The following TMLHE variants were observed in gnomAD, a reference collection of about 807,000 sequenced individuals.
TMLHE encodes trimethyllysine hydroxylase, epsilon.
TMLHE carries 18 observed loss-of-function variants against 25.7 expected under a neutral mutation model. The observed-to-expected ratio is 0.70, with a 90% CI of 0.48 to 1.04. The LOEUF is 1.04. Ranked by LOEUF, TMLHE falls within the 50% of genes least tolerant of loss-of-function variation. The pLI is 0.00. For synonymous variants in TMLHE, 105 were observed against 97.0 expected (o/e 1.08, Z -0.49); for missense variants, 236 against 259.0 (o/e 0.91, Z 0.61).
Position 155,514,254 on chromosome X carries a change from G to A in TMLHE, c.370C>T (p.His124Tyr). ...CAATTCAAATCATATTTAGTCACAT[G>A]ACCATCTGGCCCTTTTAAGGGGAAA... ...TTLFFTWPDG[H>Y]VTKYDLNWLV... The change falls in exon 4 of 8, where the codon CAT (histidine) becomes TAT (tyrosine). Residue 124 changes from histidine to tyrosine, a missense_variant. Physicochemically the swap from His to Tyr is moderately conservative, Grantham distance 83. Around this residue, in one of 2 missense-constraint regions of TMLHE, gnomAD observed 217 missense variants for 214.6 expected, o/e 1.01. Coordinates refer to ENST00000334398, the MANE Select transcript of TMLHE (RefSeq NM_018196.4). The A allele has an allele frequency of 8.3e-7, 1 of 1,202,708 alleles. No homozygotes were observed. The highest frequency in any genetic ancestry group is 1.1e-6 in the Non-Finnish European group (1 of 889,474).
chrX:155,514,491 G>A (rs1428050849), intron 3 of TMLHE, among the ~76,000 whole-genome samples: 2 of 110,714 alleles, frequency 1.8e-5, no homozygotes, highest in Non-Finnish European at 3.8e-5. Context: ...TCTTCCCAGA[G>A]GCTAAATAAG....
chrX:155,595,122 C>T (rs1226695488), intron 1 of TMLHE, among the ~76,000 whole-genome samples: 2 of 111,833 alleles, frequency 1.8e-5, no homozygotes, highest in African/African-American at 3.2e-5. Flanking sequence ...AATTTACAAA[C>T]ACAGACTGTA....
chrX:155,537,850 T>C (rs2067288270), intron 2 of TMLHE, among the ~76,000 whole-genome samples: 1 of 111,716 alleles, frequency 9.0e-6, no homozygotes, highest in Non-Finnish European at 1.9e-5. Flanking sequence ...TTATGTTTTA[T>C]TTTTTTAATT....
chrX:155,604,671 A>G (rs1156938036), intron 1 of TMLHE, among the ~76,000 whole-genome samples: 3 of 111,333 alleles, frequency 2.7e-5, no homozygotes, highest in Non-Finnish European at 5.7e-5. Context: ...ACACCCTCAG[A>G]GCACCAAGAG....
At chrX:155,510,059 G>A (rs1210703066) in intron 5 of TMLHE, among the ~76,000 whole-genome samples, 1 of 110,922 alleles carries the variant, frequency 9.0e-6, no homozygotes, top group Non-Finnish European at 1.9e-5. Flanking sequence ...TTTGCATGAC[G>A]ACCCTTTTGC....
intron 1 of TMLHE, among the ~76,000 whole-genome samples, chrX:155,549,304 G>A (rs868943274): frequency 9.1e-6 from 1 of 110,387 alleles, no homozygotes; most frequent in African/African-American, 3.3e-5. Context: ...TGATCTTAGG[G>A]GAAAACATTC....
intron 2 of TMLHE, among the ~76,000 whole-genome samples, chrX:155,543,813 A>G (rs1397060045): frequency 8.9e-6 from 1 of 112,254 alleles, no homozygotes; most frequent in Non-Finnish European, 1.9e-5. Flanking sequence ...GACATCTTGT[A>G]TAGAGCAATA....
chrX:155,594,715 C>T (rs868985995), intron 1 of TMLHE, among the ~76,000 whole-genome samples: 5 of 111,624 alleles, frequency 4.5e-5, no homozygotes, highest in African/African-American at 6.5e-5. Flanking sequence ...AATTTTGACA[C>T]CAAAACCAAA....
chrX:155,585,622 A>G (rs1328237847), intron 1 of TMLHE, among the ~76,000 whole-genome samples: 1 of 111,897 alleles, frequency 8.9e-6, no homozygotes, highest in Non-Finnish European at 1.9e-5. Flanking sequence ...GGGAACTTTA[A>G]CAGCCCACTC....
chrX:155,529,536 G>A lies in TMLHE; in HGVS notation c.182-4904C>T, dbSNP rs782741698. Among the ~76,000 whole-genome samples the A allele has an allele frequency of 2.2e-4, 24 of 111,151 alleles. 1 individual carries two copies. The South Asian group carries it at 8.7e-3, about 40-fold the overall frequency. ...TTATCTCTTGTCTTTTTGATAATAG[G>A]TATTCTAATGGGTGTCAGGTGGTAT... On this transcript the variant is annotated intron_variant, in intron 2 of 7. Coordinates refer to ENST00000334398, the MANE Select transcript of TMLHE (RefSeq NM_018196.4).
intron 1 of TMLHE, among the ~76,000 whole-genome samples, chrX:155,581,671 A>G (rs781790165): frequency 1.4e-3 from 156 of 112,069 alleles, no homozygotes; most frequent in Middle Eastern, 4.6e-3. Flanking sequence ...ATAAAATAAA[A>G]GAGGACACAA....
At chrX:155,545,022 T>C in intron 2 of TMLHE, 74 bp downstream of exon 2, 2 of 1,078,587 alleles carry the variant, frequency 1.9e-6, no homozygotes, top group Non-Finnish European at 2.5e-6. Flanking sequence ...TTCCAATTTT[T>C]GATATATGTG....
intron 4 of TMLHE, among the ~76,000 whole-genome samples, chrX:155,512,484 C>T (rs1557333846): frequency 9.1e-6 from 1 of 110,249 alleles, no homozygotes; most frequent in African/African-American, 3.3e-5. Context: ...CATGTCCCTA[C>T]AAAGGACATG....
Position 155,528,960 on chromosome X carries a change from T to C in TMLHE, c.182-4328A>G, listed in dbSNP as rs782063088. Among the ~76,000 whole-genome samples the C allele has an allele frequency of 1.2e-4, 14 of 112,123 alleles. No homozygotes were observed. In the South Asian group the frequency reaches 5.2e-3, roughly 41 times the overall value. On this transcript the variant is annotated intron_variant, in intron 2 of 7. Transcript: ENST00000334398. The stretch of plus-strand genomic sequence containing the variant: ...AAAAATAATTAGAAAAAAGACTAAA[T>C]GTCTATCAGTGGGGAAGTGGAAGAA...
intron 2 of TMLHE, among the ~76,000 whole-genome samples, chrX:155,532,010 C>G (rs1366789710): frequency 1.8e-5 from 2 of 111,931 alleles, no homozygotes; most frequent in Non-Finnish European, 3.8e-5. Context: ...GCAGAGACAT[C>G]AGTGGCTACA....
chrX:155,590,392 A>AT (rs1278827828), intron 1 of TMLHE, among the ~76,000 whole-genome samples: 1 of 112,230 alleles, frequency 8.9e-6, no homozygotes, highest in Non-Finnish European at 1.9e-5. Flanking sequence ...GAAGACAACC[A>AT]TAAATGATAA....
At chrX:155,612,709 A>C (rs1172755365) in intron 1 of TMLHE, 83 bp downstream of exon 1, 1 of 112,507 alleles carries the variant, frequency 8.9e-6, no homozygotes, top group Non-Finnish European at 1.9e-5. Context: ...CCACTGCGAC[A>C]GGCCTGAAAG....
chrX:155,526,550 C>T (rs1433646705), intron 2 of TMLHE, among the ~76,000 whole-genome samples: 5 of 112,428 alleles, frequency 4.4e-5, no homozygotes, highest in African/African-American at 1.6e-4. Flanking sequence ...CACACAGAGT[C>T]CCCACTAGGG....
rs2067494198 is a variant in TMLHE at position 155,561,084 on chromosome X, G to A, written c.-1-15807C>T. Among the ~76,000 whole-genome samples, 2 of 61,454 alleles carry A rather than the reference G, an allele frequency of 3.3e-5. 1 individual carries two copies. The highest frequency in any genetic ancestry group is 3.8e-4 in the Admixed American group (2 of 5,240). 53.4% of individuals were successfully genotyped at this position (61,454 alleles called of 115,157 possible). On this transcript the variant is annotated intron_variant, in intron 1 of 7. Coordinates refer to ENST00000334398, the MANE Select transcript of TMLHE (RefSeq NM_018196.4). The stretch of plus-strand genomic sequence containing the variant: ...AGTCTGTTTTTTTGAAGGCAAAAAC[G>A]ACAGGATTTGCTGATGAATTGAAAA...
Sources: gnomAD v4.1 joint callset for allele counts (sites outside exome capture counted in the v4.1 genomes callset) on GRCh38, gnomAD v4.1.1 for gene constraint, gnomAD v4.1.1 regional missense constraint, MANE v1.5 for transcripts, NCBI Gene and HGNC (gene_info 2026-07-23, HGNC 2026-07-21) for gene names.